VWCE: variants seen among roughly 807,000 people sequenced by gnomAD.
The protein encoded by VWCE is von Willebrand factor C and EGF domain-containing protein.
A neutral mutation model predicts 102.9 loss-of-function variants in VWCE; 68 were observed. That is an observed-to-expected ratio of 0.66 (90% CI 0.54 to 0.81). VWCE has a LOEUF of 0.81. VWCE is among the 30% of genes least tolerant of loss of function. The pLI is 0.00. For synonymous variants in VWCE, 497 were observed against 515.4 expected, an observed-to-expected ratio of 0.96 and a Z score of 0.48; for missense variants, 1,137 against 1,263.6, an observed-to-expected ratio of 0.90 and a Z score of 1.52.
At position 61,294,191 on chromosome 11, in the gene VWCE, G is replaced by GT. The variant is rs1855602215; in HGVS notation, c.110+736dup. Among the ~76,000 whole-genome samples, 1 of 152,192 alleles carries GT rather than the reference G, an allele frequency of 6.6e-6. No individual in the cohort carries two copies. Among genetic ancestry groups the GT allele is most frequent in the Admixed American group, 6.5e-5 (1 of 15,294 alleles). On this transcript the variant is annotated intron_variant, in intron 1 of 19. Transcript: ENST00000335613. This position sits in a 1 kb window ranked among gnomAD's most constrained non-coding sequence, Gnocchi z 6.3. ...GTGGAACGCCGGGGAGTCGGGGCAG[G>GT]TTCTGAGCAGGAACTGGCGGTGGCT...
At position 61,282,794 on chromosome 11, in the gene VWCE, C is replaced by T. The variant is rs1445020296; in HGVS notation, c.653G>A (p.Cys218Tyr). 1 of 1,614,080 alleles carries T rather than the reference C, an allele frequency of 6.2e-7. No individual in the cohort carries two copies. Residue 218 changes from cysteine (C) to tyrosine (Y), a missense_variant, in exon 6 of 20, where the codon TGT becomes TAT. Physicochemically the swap from Cys to Tyr is radical, Grantham distance 194. This residue lies in a region of VWCE where 575 missense variants were observed against 625.9 expected (regional missense o/e 0.92). Transcript: ENST00000335613. ...GFHLHGNRHSCVDVNECRRPL... is the reference protein window; with the variant it reads ...GFHLHGNRHSYVDVNECRRPL... ...CAGGGTCCTCCCCGCCTTACCTACACAGGAGTGCCGGTTGCCATGAAGGTG... is the reference window on the plus strand; with the variant it reads ...CAGGGTCCTCCCCGCCTTACCTACATAGGAGTGCCGGTTGCCATGAAGGTG...
intron 12 of VWCE, among the ~76,000 whole-genome samples, 154 bp downstream of exon 12, chr11:61,274,345 A>C (rs538232341): frequency 3.3e-5 from 5 of 152,242 alleles, no homozygotes; most frequent in African/African-American, 9.6e-5. Flanking sequence ...CTGTGGGAAG[A>C]CCTGGGGGAT....
chr11:61,281,693 T>C, intron 7 of VWCE, 93 bp downstream of exon 7: 1 of 1,344,808 alleles, frequency 7.4e-7, no homozygotes, highest in Non-Finnish European at 9.6e-7. Context: ...CGGGAGGGCG[T>C]GACGGGGAGG....
At chr11:61,263,542 A>G (rs1018634815) in intron 19 of VWCE, among the ~76,000 whole-genome samples, 21 of 152,156 alleles carry the variant, frequency 1.4e-4, no homozygotes, top group African/African-American at 5.1e-4. Flanking sequence ...TCAGCTAGAC[A>G]GGAGAAATAT....
intron 16 of VWCE, among the ~76,000 whole-genome samples, chr11:61,266,786 G>A (rs932074437): frequency 6.6e-6 from 1 of 152,142 alleles, no homozygotes; most frequent in Admixed American, 6.5e-5. Context: ...TGGATTAGCT[G>A]AGTGCATGCC....
chr11:61,285,798 G>A (rs1855301221), intron 5 of VWCE, among the ~76,000 whole-genome samples: 1 of 152,176 alleles, frequency 6.6e-6, no homozygotes, highest in Non-Finnish European at 1.5e-5. Context: ...CTGTCGTCCA[G>A]GCTGGAGTGC....
intron 4 of VWCE, among the ~76,000 whole-genome samples, chr11:61,286,764 GC>G (rs1258687391): frequency 6.6e-6 from 1 of 151,262 alleles, no homozygotes; most frequent in Non-Finnish European, 1.5e-5. Flanking sequence ...TTGCGCCATT[GC>G]ACTCCAGCCT....
rs142636981 is a variant in VWCE at position 61,290,857 on chromosome 11, G to A, written c.366C>T (p.Ala122=). ...TCGAGAAGCCCACGGGGCACACTCG[G>A]GCCACCTCCTGACAGCCTCCATGGT... is the stretch of plus-strand genomic sequence containing the variant. ...TCNHGGCQEV[A]RVCPVGFSMT... Residue 122 remains alanine, a synonymous_variant, in exon 4 of 20, where the codon GCC becomes GCT. Transcript: ENST00000335613. 1,216 of 1,613,802 alleles carry A rather than the reference G, an allele frequency of 7.5e-4. 1 individual carries two copies. Among genetic ancestry groups the A allele is most frequent in the Middle Eastern group, 2.8e-3 (17 of 6,062 alleles).
chr11:61,271,801 T>C (rs1400548223), intron 13 of VWCE, 41 bp from the exon 14 acceptor site: 4 of 1,582,324 alleles, frequency 2.5e-6, no homozygotes, highest in South Asian at 1.1e-5. Flanking sequence ...GCACAAGACC[T>C]AGACTACAAC....
intron 4 of VWCE, among the ~76,000 whole-genome samples, chr11:61,287,481 G>T (rs796114335): frequency 2.0e-5 from 3 of 152,342 alleles, no homozygotes; most frequent in African/African-American, 4.8e-5. Flanking sequence ...TCTCTTAAAG[G>T]TTCATAGAGC....
intron 19 of VWCE, 148 bp downstream of exon 19, chr11:61,264,339 G>T: frequency 1.5e-6 from 1 of 681,286 alleles, no homozygotes; most frequent in Non-Finnish European, 2.4e-6. Context: ...GCAGGCCACA[G>T]CACAGCTGTA....
intron 13 of VWCE, 114 bp from the exon 14 acceptor site, chr11:61,271,874 G>T: frequency 4.5e-6 from 4 of 887,944 alleles, no homozygotes; most frequent in Non-Finnish European, 5.4e-6. Flanking sequence ...ACTCACACAC[G>T]GACACACAAA....
chr11:61,278,559 A>T, intron 9 of VWCE, 83 bp from the exon 10 acceptor site: 1 of 1,298,586 alleles, frequency 7.7e-7, no homozygotes, highest in East Asian at 2.3e-5. Flanking sequence ...CTCCATGCTT[A>T]ATGTACCTGG....
At chr11:61,292,215 C>G (rs1315989362) in intron 1 of VWCE, among the ~76,000 whole-genome samples, 1 of 149,198 alleles carries the variant, frequency 6.7e-6, no homozygotes, top group Non-Finnish European at 1.5e-5. Flanking sequence ...AGAGCCAGAC[C>G]GTCTCAAAAC....
At chr11:61,280,235 A>C (rs187750283) in intron 9 of VWCE, among the ~76,000 whole-genome samples, 3 of 152,292 alleles carry the variant, frequency 2.0e-5, no homozygotes, top group Admixed American at 2.0e-4. Context: ...GTAACTGGGC[A>C]GGAGAAGGGG....
At chr11:61,290,708 C>G (rs1275049564) in intron 4 of VWCE, 91 bp downstream of exon 4, 3 of 1,455,254 alleles carry the variant, frequency 2.1e-6, no homozygotes, top group African/African-American at 2.8e-5. Context: ...CTTAGCCTTG[C>G]AATACACTGG....
chr11:61,294,855 C>G lies in VWCE; in HGVS notation c.110+73G>C. ...GGCTGCCTGCGGCTCCTGAGCGCCC[C>G]TCCGCGCCTCTCGACTGCACGCCGG... On this transcript the variant is annotated intron_variant, in intron 1 of 19. Transcript: ENST00000335613. This position sits in a 1 kb window ranked among gnomAD's most constrained non-coding sequence, Gnocchi z 6.3. The G allele has an allele frequency of 9.0e-7, 1 of 1,107,958 alleles. No homozygotes were observed. Among genetic ancestry groups the G allele is most frequent in the Admixed American group, 4.1e-5 (1 of 24,304 alleles). The allele number at this position is 1,107,958 out of a possible 1,614,324, so 68.6% of individuals were successfully genotyped here.
rs1233389550 is a variant in VWCE at position 61,292,115 on chromosome 11, C to T, written c.111-539G>A. On this transcript the variant is annotated intron_variant, in intron 1 of 19. Coordinates refer to ENST00000335613, the MANE Select transcript of VWCE (RefSeq NM_152718.2). ...ACACACACCTGTAGGGTCAGCTACT[C>T]GGGAGGCTGAGGTGGGAGAATGGCT... is the stretch of plus-strand genomic sequence containing the variant. Among the ~76,000 whole-genome samples the T allele has an allele frequency of 4.6e-5, 7 of 151,830 alleles. No individual in the cohort carries two copies. The East Asian group carries it at 1.2e-3, about 25-fold the overall frequency.
intron 13 of VWCE, 117 bp downstream of exon 13, chr11:61,273,082 A>C: frequency 1.0e-6 from 1 of 1,002,260 alleles, no homozygotes; most frequent in South Asian, 1.4e-5. Context: ...GCACACAAAG[A>C]CACATGTACA....
Sources: allele counts gnomAD v4.1 joint callset (sites outside exome capture counted in the v4.1 genomes callset), GRCh38; gene constraint gnomAD v4.1.1; regional missense constraint gnomAD v4.1.1; non-coding constraint Gnocchi (gnomAD v3.1); transcripts MANE v1.5; gene names NCBI Gene and HGNC (gene_info 2026-07-23, HGNC 2026-07-21).